Variants in RALGPS1 observed in about 807,000 individuals in gnomAD.
RALGPS1 encodes the protein Ral GEF with PH domain and SH3 binding motif 1.
A neutral mutation model predicts 78.8 loss-of-function variants in RALGPS1; 19 were observed. That is an observed-to-expected ratio of 0.24 (90% CI 0.17 to 0.35). The LOEUF is 0.35. RALGPS1 is among the 10% of genes least tolerant of loss of function. The pLI, the probability that RALGPS1 is intolerant of heterozygous loss-of-function variation, is 1.00. For synonymous variants in RALGPS1, 228 were observed against 256.3 expected, an observed-to-expected ratio of 0.89 and a Z score of 1.06; for missense variants, 454 against 688.3, an observed-to-expected ratio of 0.66 and a Z score of 3.81.
chr9:127,161,039 T>TGG (rs2058989513), intron 8 of RALGPS1, among the ~76,000 whole-genome samples: 1 of 152,250 alleles, frequency 6.6e-6, no homozygotes, highest in Non-Finnish European at 1.5e-5. Context: ...CCAGGGCCAA[T>TGG]GGCTGATCCA....
intron 8 of RALGPS1, chr9:127,107,957 G>T (rs756418879): frequency 2.6e-6 from 4 of 1,558,360 alleles, no homozygotes; most frequent in Non-Finnish European, 3.5e-6. Flanking sequence ...GTGAGAGTGG[G>T]CATAGTGGGC....
chr9:127,141,215 T>C (rs1278587298), intron 8 of RALGPS1, among the ~76,000 whole-genome samples: 1 of 151,348 alleles, frequency 6.6e-6, no homozygotes, highest in African/African-American at 2.4e-5. Context: ...ATGCCAGGGG[T>C]TGTGGGTGTT....
intron 4 of RALGPS1, among the ~76,000 whole-genome samples, chr9:127,012,507 G>T (rs1180943090): frequency 6.6e-6 from 1 of 152,180 alleles, no homozygotes; most frequent in Admixed American, 6.5e-5. Flanking sequence ...AGCCCCCTTG[G>T]TCCATTTCAG....
chr9:127,177,952 A>G, intron 11 of RALGPS1: 1 of 1,548,060 alleles, frequency 6.5e-7, no homozygotes, highest in Non-Finnish European at 8.7e-7. Context: ...GAGCCCTGGC[A>G]GGGGACAGAA....
chr9:127,115,104 C>CGA (rs1407501699), intron 8 of RALGPS1, among the ~76,000 whole-genome samples: 3 of 152,226 alleles, frequency 2.0e-5, no homozygotes, highest in African/African-American at 7.2e-5. Flanking sequence ...TACTCTATCT[C>CGA]ATTGGCTCTT....
At chr9:127,071,786 G>C (rs532879966) in intron 8 of RALGPS1, among the ~76,000 whole-genome samples, 1 of 151,800 alleles carries the variant, frequency 6.6e-6, no homozygotes, top group Non-Finnish European at 1.5e-5. Context: ...AAGGGCTTAG[G>C]CTTTTGTTTT....
intron 17 of RALGPS1, chr9:127,214,207 C>G (rs958353985): frequency 6.6e-6 from 1 of 152,182 alleles, no homozygotes; most frequent in Non-Finnish European, 1.5e-5. Context: ...AAAAATGCAT[C>G]TTTGTTTTCA....
intron 3 of RALGPS1, among the ~76,000 whole-genome samples, chr9:126,976,397 TCA>T (rs5900739): frequency 1.3e-5 from 2 of 150,408 alleles, no homozygotes; most frequent in African/African-American, 4.9e-5. Context: ...ACACTCACAT[TCA>T]CAGTCACACA....
At chr9:127,093,756 A>G (rs747350338) in intron 8 of RALGPS1, 1 of 1,614,020 alleles carries the variant, frequency 6.2e-7, no homozygotes, top group East Asian at 2.2e-5. Context: ...CAGTTCCTGA[A>G]GAAGTTAACA....
At chr9:126,999,761 T>G (rs1044159403) in intron 4 of RALGPS1, among the ~76,000 whole-genome samples, 1 of 152,378 alleles carries the variant, frequency 6.6e-6, no homozygotes, top group South Asian at 2.1e-4. Context: ...GTTTCGGCAA[T>G]TATGAATAAA....
chr9:127,098,204 A>G (rs1377297724), intron 8 of RALGPS1, among the ~76,000 whole-genome samples: 1 of 152,268 alleles, frequency 6.6e-6, no homozygotes, highest in Non-Finnish European at 1.5e-5. Context: ...ATATATTGAC[A>G]TGAAGAATGG....
intron 4 of RALGPS1, among the ~76,000 whole-genome samples, chr9:126,991,295 T>C (rs1588882001): frequency 6.6e-6 from 1 of 151,788 alleles, no homozygotes; most frequent in East Asian, 1.9e-4. Flanking sequence ...GCCTGAAGGG[T>C]GGGGAGAGGC....
chr9:127,210,882 C>A, intron 14 of RALGPS1: 1 of 1,005,452 alleles, frequency 9.9e-7, no homozygotes, highest in Non-Finnish European at 1.5e-6. Context: ...ACAGACACAG[C>A]CTTTGCCTAC....
At chr9:127,150,064 A>G (rs1588176021) in intron 8 of RALGPS1, among the ~76,000 whole-genome samples, 1 of 152,306 alleles carries the variant, frequency 6.6e-6, no homozygotes, top group South Asian at 2.1e-4. Flanking sequence ...TCTGCCACAC[A>G]CTAGCTGTAT....
chr9:126,936,606 A>G (rs899844195), intron 1 of RALGPS1, among the ~76,000 whole-genome samples: 1 of 152,144 alleles, frequency 6.6e-6, no homozygotes, highest in Non-Finnish European at 1.5e-5. Flanking sequence ...AGGCTGGAAG[A>G]CAGTGGGCTG....
intron 8 of RALGPS1, among the ~76,000 whole-genome samples, chr9:127,137,199 C>G (rs2057456392): frequency 6.6e-6 from 1 of 152,198 alleles, no homozygotes; most frequent in African/African-American, 2.4e-5. Context: ...GGCATGCAAC[C>G]CAGCTACCCC....
At chr9:126,972,778 A>G (rs533529575) in intron 3 of RALGPS1, among the ~76,000 whole-genome samples, 2 of 152,212 alleles carry the variant, frequency 1.3e-5, no homozygotes, top group Non-Finnish European at 2.9e-5. Context: ...TTAAAAGTAC[A>G]TATCGGCTGG....
At chr9:126,955,746 C>T (rs943456082) in intron 1 of RALGPS1, among the ~76,000 whole-genome samples, 9 of 152,182 alleles carry the variant, frequency 5.9e-5, no homozygotes, top group African/African-American at 2.2e-4. Context: ...TCGTTAGCAA[C>T]TGTTGGTTAG....
At chr9:126,973,588 G>A (rs1409018012) in intron 3 of RALGPS1, among the ~76,000 whole-genome samples, 1 of 152,056 alleles carries the variant, frequency 6.6e-6, no homozygotes, top group African/African-American at 2.4e-5. Flanking sequence ...TCTTTTATTC[G>A]TTTTGATTGT....
Sources: allele counts gnomAD v4.1 joint callset (sites outside exome capture counted in the v4.1 genomes callset), GRCh38; gene constraint gnomAD v4.1.1; transcripts MANE v1.5; gene names NCBI Gene and HGNC (gene_info 2026-07-23, HGNC 2026-07-21).